SCHIP1: variants seen among roughly 807,000 people sequenced by gnomAD.
SCHIP1 encodes schwannomin interacting protein 1, also known as schwannomin-interacting protein 1.
Under a neutral mutation model 29.7 loss-of-function variants are expected in SCHIP1, and 8 were observed. The ratio of observed to expected loss-of-function variants is 0.27; its 90% CI spans 0.16 to 0.49. The LOEUF is 0.49. SCHIP1 is among the 20% of genes least tolerant of loss of function. The pLI is 0.99. For synonymous variants in SCHIP1, 76 were observed against 94.9 expected, an observed-to-expected ratio of 0.80 and a Z score of 1.16; for missense variants, 193 against 294.6, an observed-to-expected ratio of 0.66 and a Z score of 2.52.
the SCHIP1 span, among the ~76,000 whole-genome samples, chr3:159,541,306 A>G: frequency 2.6e-5 from 4 of 152,110 alleles, no homozygotes; most frequent in Non-Finnish European, 5.9e-5. Flanking sequence ...AATGATACAA[A>G]GAAAGTTAGA....
the SCHIP1 span, among the ~76,000 whole-genome samples, chr3:159,600,447 A>G: frequency 3.9e-5 from 6 of 152,314 alleles, no homozygotes; most frequent in South Asian, 6.2e-4. Context: ...AAGTTCTGAG[A>G]TTCTTTCTTC....
the SCHIP1 span, among the ~76,000 whole-genome samples, chr3:159,614,029 G>A: frequency 3.9e-5 from 6 of 152,126 alleles, no homozygotes; most frequent in Non-Finnish European, 8.8e-5. Context: ...AAACCTTATG[G>A]GGTAGGTGCC....
chr3:159,480,905 G>A, the SCHIP1 span, among the ~76,000 whole-genome samples: 1 of 152,124 alleles, frequency 6.6e-6, no homozygotes, highest in Admixed American at 6.5e-5. Context: ...GTCAGCGAAG[G>A]GAGATAGGGG....
chr3:159,721,539 T>G, the SCHIP1 span: 1 of 177,924 alleles, frequency 5.6e-6, no homozygotes, highest in Non-Finnish European at 1.2e-5. Context: ...CCTGTTCGTC[T>G]TCTTGAACTT....
At chr3:159,613,417 T>TA in the SCHIP1 span, among the ~76,000 whole-genome samples, 19 of 152,362 alleles carry the variant, frequency 1.2e-4, no homozygotes, top group South Asian at 1.7e-3. Flanking sequence ...TTGAGTCAAG[T>TA]AAATAATCAA....
At chr3:159,467,544 A>G in the SCHIP1 span, among the ~76,000 whole-genome samples, 1 of 152,204 alleles carries the variant, frequency 6.6e-6, no homozygotes, top group Non-Finnish European at 1.5e-5. Context: ...TTCATGAATA[A>G]ATAAAACAGC....
At chr3:159,780,179 A>G in the SCHIP1 span, among the ~76,000 whole-genome samples, 9 of 152,134 alleles carry the variant, frequency 5.9e-5, no homozygotes, top group African/African-American at 1.9e-4. Flanking sequence ...CGGGAAATTT[A>G]TGTCTAGAGC....
chr3:159,582,301 C>A, the SCHIP1 span, among the ~76,000 whole-genome samples: 1 of 151,986 alleles, frequency 6.6e-6, no homozygotes, highest in Non-Finnish European at 1.5e-5. Flanking sequence ...GTAGCTGGGA[C>A]TACAGGCTTG....
the SCHIP1 span, among the ~76,000 whole-genome samples, chr3:159,501,909 CT>C: frequency 2.6e-5 from 4 of 152,158 alleles, no homozygotes; most frequent in Non-Finnish European, 4.4e-5. Context: ...GAATGAGAAT[CT>C]GACCTGTTCA....
chr3:159,896,490 G>T (rs1252681320), intron 6 of SCHIP1, among the ~76,000 whole-genome samples: 1 of 152,176 alleles, frequency 6.6e-6, no homozygotes, highest in African/African-American at 2.4e-5. Context: ...ATGTCTAAAA[G>T]TCTCAGATTC....
At chr3:159,422,743 A>G in the SCHIP1 span, among the ~76,000 whole-genome samples, 17 of 152,092 alleles carry the variant, frequency 1.1e-4, no homozygotes, top group South Asian at 2.1e-4. Context: ...TATCTGTGAG[A>G]TATATATTCT....
chr3:159,576,255 AT>A, the SCHIP1 span, among the ~76,000 whole-genome samples: 2 of 152,342 alleles, frequency 1.3e-5, no homozygotes, highest in Non-Finnish European at 2.9e-5. Flanking sequence ...TCAACTAAAA[AT>A]TTTAAAAAGA....
chr3:159,544,577 TC>T, the SCHIP1 span, among the ~76,000 whole-genome samples: 2 of 152,112 alleles, frequency 1.3e-5, no homozygotes, highest in Admixed American at 1.3e-4. Flanking sequence ...TAATATCTCA[TC>T]CATTTATTTT....
chr3:159,678,400 A>G, the SCHIP1 span, among the ~76,000 whole-genome samples: 1 of 152,246 alleles, frequency 6.6e-6, no homozygotes, highest in Non-Finnish European at 1.5e-5. Flanking sequence ...CTCTGGTTAA[A>G]CAAAGTGAGT....
chr3:159,547,001 T>C, the SCHIP1 span, among the ~76,000 whole-genome samples: 3 of 152,310 alleles, frequency 2.0e-5, no homozygotes, highest in Admixed American at 6.5e-5. Flanking sequence ...CACCACACTG[T>C]CTTCCACAAT....
At chr3:159,892,960 A>T (rs1717688048) in intron 6 of SCHIP1, 1 of 152,282 alleles carries the variant, frequency 6.6e-6, no homozygotes, top group African/African-American at 2.4e-5. Flanking sequence ...TATTAATCCC[A>T]GAAACAGTAT....
intron 2 of SCHIP1, among the ~76,000 whole-genome samples, chr3:159,883,399 G>A (rs1225687397): frequency 2.0e-5 from 3 of 152,016 alleles, no homozygotes; most frequent in Non-Finnish European, 4.4e-5. Flanking sequence ...TTTCAGATGT[G>A]AGCCTCAAGA....
chr3:159,890,507 C>T (rs1717403753), intron 5 of SCHIP1, among the ~76,000 whole-genome samples: 1 of 152,138 alleles, frequency 6.6e-6, no homozygotes, highest in African/African-American at 2.4e-5. Flanking sequence ...GCCAAGTTAA[C>T]ACATTGAATA....
the SCHIP1 span, among the ~76,000 whole-genome samples, chr3:159,526,763 T>C: frequency 2.0e-5 from 3 of 152,212 alleles, no homozygotes; most frequent in Non-Finnish European, 4.4e-5. Flanking sequence ...AAGGTGAAGC[T>C]TGTGGCAATC....
Sources: allele counts gnomAD v4.1 joint callset (sites outside exome capture counted in the v4.1 genomes callset), GRCh38; gene constraint gnomAD v4.1.1; transcripts MANE v1.5; gene names NCBI Gene and HGNC (gene_info 2026-07-23, HGNC 2026-07-21).